Variants in ABCA10 observed in about 807,000 individuals in gnomAD.
ABCA10 encodes the protein ATP-binding cassette sub-family A member 10.
ABCA10 carries 169 observed loss-of-function variants against 187.5 expected under a neutral mutation model. That is an observed-to-expected ratio of 0.90 (90% CI 0.80 to 1.02). The LOEUF is 1.02. Ranked by LOEUF, ABCA10 falls within the 50% of genes least tolerant of loss-of-function variation. ABCA10 has a pLI of 0.00. For synonymous variants in ABCA10, 574 were observed against 601.8 expected (o/e 0.95, Z 0.68); for missense variants, 1,727 against 1,812.4 (o/e 0.95, Z 0.86).
chr17:69,175,532 T>C lies in ABCA10; in HGVS notation c.2770-19A>G. ...TGTCATCCTGAAAGATGAAAACACATCAGTAAGCTGTTGCAATTGTTACAA... is the reference window on the plus strand; with the variant it reads ...TGTCATCCTGAAAGATGAAAACACACCAGTAAGCTGTTGCAATTGTTACAA... On this transcript the variant is annotated intron_variant, in intron 22 of 38. Coordinates refer to ENST00000690296, the MANE Select transcript of ABCA10 (RefSeq NM_001377321.1). 1 of 1,552,424 alleles carries C rather than the reference T, an allele frequency of 6.4e-7. No individual in the cohort carries two copies. Among genetic ancestry groups the C allele is most frequent in the Non-Finnish European group, 8.8e-7 (1 of 1,135,822 alleles).
intron 14 of ABCA10, 104 bp downstream of exon 14, chr17:69,193,389 T>C (rs1181497263): frequency 6.6e-7 from 1 of 1,504,820 alleles, no homozygotes; most frequent in African/African-American, 1.4e-5. Context: ...TACTTTATTA[T>C]AAATTTTCCC....
chr17:69,217,258 A>G (rs532434458), intron 6 of ABCA10, among the ~76,000 whole-genome samples: 1 of 152,070 alleles, frequency 6.6e-6, no homozygotes, highest in Admixed American at 6.6e-5. Context: ...AAAAAAAGAA[A>G]AAAAAAAAAG....
At chr17:69,174,206 T>A in intron 25 of ABCA10, 75 bp downstream of exon 25, 1 of 1,130,340 alleles carries the variant, frequency 8.8e-7, no homozygotes, top group South Asian at 1.8e-5. Flanking sequence ...AAGCAAAGTA[T>A]TTATACTTAA....
At chr17:69,226,041 C>T (rs1020521845) in intron 2 of ABCA10, among the ~76,000 whole-genome samples, 1 of 151,950 alleles carries the variant, frequency 6.6e-6, no homozygotes, top group African/African-American at 2.4e-5. Context: ...CCTTAAAAGA[C>T]ATTTTGGGGG....
intron 26 of ABCA10, among the ~76,000 whole-genome samples, chr17:69,164,417 C>T (rs1227383577): frequency 6.6e-6 from 1 of 152,036 alleles, no homozygotes; most frequent in Admixed American, 6.6e-5. Context: ...TGACAAAGTA[C>T]AGAACTATGA....
intron 23 of ABCA10, 86 bp downstream of exon 23, chr17:69,175,320 A>G: frequency 8.8e-7 from 1 of 1,140,998 alleles, no homozygotes; most frequent in South Asian, 1.5e-5. Flanking sequence ...CCAAAGTACA[A>G]CTGTGTGTGT....
chr17:69,190,984 C>T (rs1362782269), intron 17 of ABCA10, among the ~76,000 whole-genome samples, 192 bp downstream of exon 17: 3 of 152,016 alleles, frequency 2.0e-5, no homozygotes, highest in Non-Finnish European at 4.4e-5. Context: ...TTTCTATATT[C>T]ATGGAAATTT....
upstream of ABCA10, among the ~76,000 whole-genome samples, chr17:69,231,374 T>C (rs2074830897): frequency 1.3e-5 from 2 of 152,192 alleles, no homozygotes; most frequent in South Asian, 4.1e-4. Context: ...TTATTTGAGA[T>C]CTTTCTACTT....
At chr17:69,221,461 A>G (rs1258918796) in intron 5 of ABCA10, among the ~76,000 whole-genome samples, 1 of 152,242 alleles carries the variant, frequency 6.6e-6, no homozygotes, top group Admixed American at 6.5e-5. Flanking sequence ...ATCTAGCAGA[A>G]AGGCAGAGAT....
chr17:69,183,621 T>C (rs1286378701), intron 20 of ABCA10, among the ~76,000 whole-genome samples: 2 of 151,924 alleles, frequency 1.3e-5, no homozygotes, highest in African/African-American at 4.8e-5. Context: ...CACGGGAGGA[T>C]TTTACCTTAC....
intron 25 of ABCA10, among the ~76,000 whole-genome samples, chr17:69,167,082 C>G (rs760172358): frequency 4.6e-5 from 7 of 152,160 alleles, no homozygotes; most frequent in Non-Finnish European, 8.8e-5. Flanking sequence ...TGGATTAGTT[C>G]CATGGATGCT....
At chr17:69,164,025 G>T in intron 27 of ABCA10, 49 bp downstream of exon 27, 6 of 1,382,336 alleles carry the variant, frequency 4.3e-6, no homozygotes, top group South Asian at 1.5e-5. Context: ...ATTTCACGGG[G>T]CTATGAATCT....
chr17:69,221,735 A>G, intron 5 of ABCA10, 57 bp downstream of exon 5: 2 of 1,452,488 alleles, frequency 1.4e-6, no homozygotes, highest in Non-Finnish European at 1.9e-6. Context: ...TGAGGCAGAT[A>G]TTTAAAAAGA....
chr17:69,175,253 T>C (rs932766625), intron 23 of ABCA10, among the ~76,000 whole-genome samples, 153 bp downstream of exon 23: 3 of 152,176 alleles, frequency 2.0e-5, no homozygotes, highest in Non-Finnish European at 4.4e-5. Flanking sequence ...TTTGAAATCA[T>C]GTGTTTACTA....
intron 3 of ABCA10, among the ~76,000 whole-genome samples, chr17:69,223,210 TTAAAG>T (rs1200939535): frequency 6.6e-6 from 1 of 152,154 alleles, no homozygotes; most frequent in East Asian, 1.9e-4. Flanking sequence ...GGAAAAATAT[TTAAAG>T]TAAGCAATAC....
chr17:69,182,249 A>G lies in ABCA10; in HGVS notation c.2673T>C (p.Asn891=), dbSNP rs753493373. 4 of 1,594,562 alleles carry G rather than the reference A, an allele frequency of 2.5e-6. No individual in the cohort carries two copies. ...CAATTCCCATAAGAACAGGAAAACAATTCAATTTCTTGGTATTACACGCAA... is the reference window on the plus strand; with the variant it reads ...CAATTCCCATAAGAACAGGAAAACAGTTCAATTTCTTGGTATTACACGCAA... ...FSVACNTKKL[N]CFPVLMGIVS... Residue 891 remains asparagine (N), a synonymous_variant, in exon 22 of 39, where the codon AAT becomes AAC. Transcript: ENST00000690296.
Position 69,153,889 on chromosome 17 carries a change from C to T in ABCA10, c.3907G>A (p.Glu1303Lys). Residue 1303 changes from glutamate to lysine, a missense_variant, in exon 32 of 39, where the codon GAG (glutamate) becomes AAG (lysine). Glu to Lys is a moderately conservative substitution (Grantham distance 56, BLOSUM62 1). Transcript: ENST00000690296. ...AGTCCTTTCACAGCTGCATACAACT[C>T]CAAGTGCTCTTTCATTGTAAGCTTG... The part of the protein sequence containing the change: ...WPKLTMKEHL[E>K]LYAAVKGLGK... The T allele has an allele frequency of 1.2e-6, 2 of 1,614,130 alleles. No individual in the cohort carries two copies. Among genetic ancestry groups the T allele is most frequent in the South Asian group, 2.2e-5 (2 of 91,072 alleles).
At chr17:69,207,227 A>C (rs2074598464) in intron 9 of ABCA10, among the ~76,000 whole-genome samples, 1 of 152,236 alleles carries the variant, frequency 6.6e-6, no homozygotes. Context: ...TGCTATCGAA[A>C]AGATGAAAGG....
Position 69,201,541 on chromosome 17 carries a change from A to ATC in ABCA10, c.1133_1134insGA (p.Phe378LeufsTer15). 6.2e-7 allele frequency: 1 copy of ATC among 1,607,240 alleles called. No homozygotes were observed. The highest frequency in any genetic ancestry group is 1.1e-5 in the South Asian group (1 of 89,112). ...CATGGAATTCTGGAGACACCGGTTCAAAAGAATCATCAGAGGAATGCTCAG... is the reference window on the plus strand; with the variant it reads ...CATGGAATTCTGGAGACACCGGTTCATCAAAGAATCATCAGAGGAATGCTCAG... On this transcript the variant is annotated frameshift_variant, in exon 10 of 39. Coordinates refer to ENST00000690296, the MANE Select transcript of ABCA10 (RefSeq NM_001377321.1). LOFTEE classifies it high-confidence loss of function.
Sources: allele counts gnomAD v4.1 joint callset (sites outside exome capture counted in the v4.1 genomes callset), GRCh38; gene constraint gnomAD v4.1.1; transcripts MANE v1.5; gene names NCBI Gene and HGNC (gene_info 2026-07-23, HGNC 2026-07-21).